Variants in PDCD6 observed in about 807,000 individuals in gnomAD.
PDCD6 encodes the protein programmed cell death 6.
In PDCD6, 12 loss-of-function variants were observed where a neutral mutation model predicts 28.3. That is an observed-to-expected ratio of 0.42 (90% confidence interval 0.27 to 0.69). PDCD6 has a LOEUF of 0.69. PDCD6 is among the 30% of genes least tolerant of loss of function. The pLI, the probability that PDCD6 is intolerant of heterozygous loss-of-function variation, is 0.22. For missense variants in PDCD6, 226 were observed against 269.9 expected, an observed-to-expected ratio of 0.84 and a Z score of 1.14; for synonymous variants, 92 against 108.0, an observed-to-expected ratio of 0.85 and a Z score of 0.92.
In PDCD6 at chr5:314,909, T is replaced by A. The variant is rs924593880; in HGVS notation, c.*394T>A. The A allele has an allele frequency of 3.0e-6, 1 of 337,702 alleles. No homozygotes were observed. The highest frequency in any genetic ancestry group is 5.8e-6 in the Non-Finnish European group (1 of 172,722). 20.9% of individuals were successfully genotyped at this position (337,702 alleles called of 1,614,324 possible). A position where few individuals can be genotyped will look rare whatever the true frequency, so the allele number is the denominator to read the frequency against. On this transcript the variant is annotated 3_prime_UTR_variant, in exon 6 of 6. Transcript: ENST00000264933. The stretch of plus-strand genomic sequence containing the variant: ...AGGCTTTTCATGTGCCTTACTTTTT[T>A]AAAAAGGAGTTTATTGTATTCATTG...
At chr5:284,925 G>A (rs1043489720) in intron 2 of PDCD6, among the ~76,000 whole-genome samples, 1 of 145,704 alleles carries the variant, frequency 6.9e-6, no homozygotes, top group East Asian at 2.4e-4. Context: ...ACCCGGGGAG[G>A]AATATCAAAC....
intron 2 of PDCD6, among the ~76,000 whole-genome samples, chr5:282,315 G>T (rs1164903314): frequency 6.6e-6 from 1 of 151,202 alleles, no homozygotes; most frequent in Non-Finnish European, 1.5e-5. Context: ...GGGTCTTTCA[G>T]CTGGAGACTC....
At chr5:274,728 G>T (rs1021644214) in intron 2 of PDCD6, among the ~76,000 whole-genome samples, 106 of 152,256 alleles carry the variant, frequency 7.0e-4, no homozygotes, top group African/African-American at 1.9e-3. Context: ...GTTTGGGGGT[G>T]GGGGAGACAC....
Position 271,676 on chromosome 5 carries a change from C to A in PDCD6, c.-45C>A, listed in dbSNP as rs764144232. On this transcript the variant is annotated 5_prime_UTR_variant, in exon 1 of 6. Transcript: ENST00000264933. ...CGGAAGCGGAGTCGGCCTGAGAGGTCTCTCGTCGCTGCAGGCGCCTCAGCC... is the reference window on the plus strand; with the variant it reads ...CGGAAGCGGAGTCGGCCTGAGAGGTATCTCGTCGCTGCAGGCGCCTCAGCC... 2 of 1,165,754 alleles carry A rather than the reference C, an allele frequency of 1.7e-6. No homozygotes were observed. Among genetic ancestry groups the A allele is most frequent in the East Asian group, 2.6e-5 (1 of 37,752 alleles). The allele number at this position is 1,165,754 out of a possible 1,614,324, so 72.2% of individuals were successfully genotyped here.
chr5:295,945 G>C (rs1004478700), intron 2 of PDCD6, among the ~76,000 whole-genome samples: 4 of 151,944 alleles, frequency 2.6e-5, no homozygotes, highest in African/African-American at 9.7e-5. Context: ...GAATTAGGGA[G>C]AGTGAGGAAG....
chr5:298,485 C>T (rs997587711), intron 2 of PDCD6, among the ~76,000 whole-genome samples: 5 of 152,012 alleles, frequency 3.3e-5, no homozygotes, highest in African/African-American at 1.2e-4. Flanking sequence ...ACTCTCCTCC[C>T]CAGCTCCGTT....
At chr5:302,610 A>T (rs13182276) in intron 2 of PDCD6, among the ~76,000 whole-genome samples, 1 of 124,264 alleles carries the variant, frequency 8.0e-6, no homozygotes, top group Non-Finnish European at 1.6e-5. Flanking sequence ...CTCTGTGTGT[A>T]TGCCATGGGT....
At chr5:302,835 G>T (rs1313767462) in intron 2 of PDCD6, among the ~76,000 whole-genome samples, 3 of 150,030 alleles carry the variant, frequency 2.0e-5, no homozygotes, top group Non-Finnish European at 4.4e-5. Context: ...TGTGGGGAGA[G>T]CACAGCTTCC....
intron 4 of PDCD6, chr5:310,963 C>T (rs994545857): frequency 1.8e-5 from 5 of 282,638 alleles, no homozygotes; most frequent in Admixed American, 5.6e-5. Flanking sequence ...TGAGTGTGGC[C>T]GCCCTGTGGG....
intron 2 of PDCD6, among the ~76,000 whole-genome samples, chr5:275,415 G>A (rs751874880): frequency 1.1e-4 from 17 of 152,202 alleles, no homozygotes; most frequent in Non-Finnish European, 1.9e-4. Context: ...GGAGCTGCGC[G>A]TGTTCTCAGA....
intron 2 of PDCD6, among the ~76,000 whole-genome samples, chr5:279,190 G>A (rs1454615249): frequency 2.2e-5 from 3 of 139,396 alleles, no homozygotes; most frequent in African/African-American, 6.4e-5. Flanking sequence ...TTGGGCCTCA[G>A]TTTTTCATTC....
In PDCD6 at chr5:277,601, A is replaced by G. The variant is rs565681326; in HGVS notation, c.163+4829A>G. 4.0e-5 allele frequency among the ~76,000 whole-genome samples: 6 copies of G among 151,404 alleles called. 1 individual carries two copies. In the East Asian group the frequency reaches 9.9e-4, roughly 25 times the overall value. On this transcript the variant is annotated intron_variant, in intron 2 of 5. Coordinates refer to ENST00000264933, the MANE Select transcript of PDCD6 (RefSeq NM_013232.4). ...CAGGCGTGAGCCACCACGCCCAGCA[A>G]TTTTTTGTATTTTTAGTACAGACAG... is the stretch of plus-strand genomic sequence containing the variant.
At chr5:273,548 G>T (rs1158480680) in intron 2 of PDCD6, among the ~76,000 whole-genome samples, 1 of 152,168 alleles carries the variant, frequency 6.6e-6, no homozygotes, top group Admixed American at 6.5e-5. Flanking sequence ...TGCCATTTAA[G>T]CTAGAAAAGG....
intron 2 of PDCD6, among the ~76,000 whole-genome samples, chr5:302,709 C>T (rs1740180904): frequency 1.3e-5 from 2 of 149,048 alleles, no homozygotes; most frequent in Admixed American, 1.3e-4. Context: ...GTGTGTGGGC[C>T]ACGGGTTCAG....
At chr5:312,569 G>A (rs1020898230) in intron 5 of PDCD6, among the ~76,000 whole-genome samples, 3 of 152,112 alleles carry the variant, frequency 2.0e-5, no homozygotes, top group Admixed American at 1.3e-4. Context: ...AAAACTCTAC[G>A]GTTGGGGACC....
intron 2 of PDCD6, among the ~76,000 whole-genome samples, chr5:287,269 T>C (rs1263764691): frequency 1.3e-5 from 2 of 152,102 alleles, no homozygotes; most frequent in East Asian, 3.9e-4. Context: ...CAGGAGCCAG[T>C]GATGCTGTTT....
At chr5:309,643 G>C in intron 4 of PDCD6, 8 of 46,592 alleles carry the variant, frequency 1.7e-4, no homozygotes, top group South Asian at 9.8e-4. Context: ...ACACCAGTGA[G>C]GGCCGCCGTC....
intron 2 of PDCD6, among the ~76,000 whole-genome samples, chr5:299,506 T>C (rs9654453): frequency 0.12 from 18,592 of 151,688 alleles, 1,199 homozygotes; most frequent in Admixed American, 0.16. Context: ...TCTCTGTGCT[T>C]CTGAAGCTGT....
chr5:276,080 G>A, intron 2 of PDCD6: 1 of 1,137,874 alleles, frequency 8.8e-7, no homozygotes, highest in Non-Finnish European at 1.2e-6. Context: ...TCTACAAAAA[G>A]TAAATGAGTG....
Sources: gnomAD v4.1 joint callset for allele counts (sites outside exome capture counted in the v4.1 genomes callset) on GRCh38, gnomAD v4.1.1 for gene constraint, MANE v1.5 for transcripts, NCBI Gene and HGNC (gene_info 2026-07-23, HGNC 2026-07-21) for gene names.